EIF3A: variants seen among roughly 807,000 people sequenced by gnomAD.
EIF3A encodes eukaryotic translation initiation factor 3 subunit A.
In EIF3A, 21 loss-of-function variants were observed where a neutral mutation model predicts 186.6. The observed-to-expected ratio is 0.11, with a 90% CI of 0.08 to 0.16. EIF3A has a LOEUF of 0.16. Among genes scored for constraint, EIF3A ranks in the 10% least tolerant of loss-of-function variants. The pLI is 1.00. For synonymous variants in EIF3A, 563 were observed against 584.3 expected (o/e 0.96, Z 0.52); for missense variants, 1,306 against 1,796.3 (o/e 0.73, Z 4.93).
chr10:119,072,647 G>A (rs1445531792), intron 4 of EIF3A, among the ~76,000 whole-genome samples: 2 of 152,082 alleles, frequency 1.3e-5, no homozygotes, highest in South Asian at 2.1e-4. Flanking sequence ...TAGAGAAGGG[G>A]CTTCACCATG....
chr10:119,078,388 TA>T (rs35141615), intron 1 of EIF3A, among the ~76,000 whole-genome samples: 49,236 of 152,106 alleles, frequency 0.32, 8,732 homozygotes, highest in Non-Finnish European at 0.4. Flanking sequence ...CTATTCTACT[TA>T]AATTTATTTA....
intron 15 of EIF3A, 118 bp from the exon 16 acceptor site, chr10:119,050,792 C>A: frequency 9.3e-7 from 1 of 1,071,146 alleles, no homozygotes; most frequent in South Asian, 1.6e-5. Flanking sequence ...TCGAAAGCAA[C>A]CTCTCAGCAC....
At chr10:119,050,177 T>G (rs1037254973) in intron 16 of EIF3A, among the ~76,000 whole-genome samples, 192 bp from the exon 17 acceptor site, 7 of 152,172 alleles carry the variant, frequency 4.6e-5, no homozygotes, top group African/African-American at 1.7e-4. Flanking sequence ...AGTTTTGTAA[T>G]AAGATACTAG....
chr10:119,045,296 C>T (rs1848268704), intron 17 of EIF3A, among the ~76,000 whole-genome samples: 1 of 152,014 alleles, frequency 6.6e-6, no homozygotes, highest in South Asian at 2.1e-4. Context: ...TCTAAAATAA[C>T]AACTAGAGAT....
chr10:119,063,564 G>A (rs929204239), intron 7 of EIF3A, among the ~76,000 whole-genome samples: 9 of 152,056 alleles, frequency 5.9e-5, no homozygotes, highest in East Asian at 3.9e-4. Flanking sequence ...TTTAAATTCC[G>A]TTTTTGGTAA....
intron 7 of EIF3A, among the ~76,000 whole-genome samples, chr10:119,062,340 T>C (rs1184757479): frequency 6.6e-6 from 1 of 152,220 alleles, no homozygotes; most frequent in African/African-American, 2.4e-5. Context: ...AATACATGAT[T>C]GGTTTACTTT....
In EIF3A at chr10:119,065,766, G is replaced by T. The variant is rs188144204; in HGVS notation, c.951-196C>A. ...TGGGCTGTGTTTAAACGAATACTTGGAGAATCAGGACTTCATCTATCCACT... is the reference window on the plus strand; with the variant it reads ...TGGGCTGTGTTTAAACGAATACTTGTAGAATCAGGACTTCATCTATCCACT... On this transcript the variant is annotated intron_variant, in intron 6 of 21. Coordinates refer to ENST00000369144, the MANE Select transcript of EIF3A (RefSeq NM_003750.4). 8.1e-4 allele frequency among the ~76,000 whole-genome samples: 124 copies of T among 152,266 alleles called. 1 individual carries two copies. The highest frequency in any genetic ancestry group is 2.7e-3 in the African/African-American group (111 of 41,558).
chr10:119,073,799 T>C lies in EIF3A; in HGVS notation c.188A>G (p.Lys63Arg), dbSNP rs892218354. Residue 63 changes from lysine to arginine, a missense_variant, in exon 2 of 22, where the codon AAG becomes AGG. Transcript: ENST00000369144. ...KYLELCVDLR[K>R]SHLAKEGLYQ... Reference sequence around the variant, plus strand: ...TAACCCCTCCTTTGCCAAGTGGCTCTTGCGAAGATCCACGCAAAGTTCCAA... The same window carrying C: ...TAACCCCTCCTTTGCCAAGTGGCTCCTGCGAAGATCCACGCAAAGTTCCAA... The C allele has an allele frequency of 6.2e-7, 1 of 1,613,836 alleles. No homozygotes were observed. Among genetic ancestry groups the C allele is most frequent in the Non-Finnish European group, 8.5e-7 (1 of 1,179,916 alleles).
intron 17 of EIF3A, among the ~76,000 whole-genome samples, 187 bp downstream of exon 17, chr10:119,049,614 T>C (rs1043954933): frequency 2.6e-5 from 4 of 151,750 alleles, no homozygotes; most frequent in Non-Finnish European, 5.9e-5. Context: ...CAGCCAGGCA[T>C]GGTGGTATGC....
At chr10:119,046,828 A>C (rs1348969549) in intron 17 of EIF3A, among the ~76,000 whole-genome samples, 1 of 152,126 alleles carries the variant, frequency 6.6e-6, no homozygotes, top group Non-Finnish European at 1.5e-5. Flanking sequence ...ATGGTGGCAC[A>C]TGCCTGTAAT....
chr10:119,055,703 A>C (rs549492990), intron 14 of EIF3A, among the ~76,000 whole-genome samples: 2 of 152,318 alleles, frequency 1.3e-5, no homozygotes, highest in African/African-American at 4.8e-5. Flanking sequence ...AGCACAATAA[A>C]GTGAAGCACA....
At chr10:119,039,275 T>C (rs1848176618) in intron 19 of EIF3A, among the ~76,000 whole-genome samples, 1 of 152,120 alleles carries the variant, frequency 6.6e-6, no homozygotes, top group Admixed American at 6.6e-5. Flanking sequence ...CACTTATGCA[T>C]GGAATATATG....
At position 119,061,275 on chromosome 10, in the gene EIF3A, A is replaced by G. The variant is rs1369426993; in HGVS notation, c.1176T>C (p.Asn392=). The change falls in exon 8 of 22, where the codon AAT becomes AAC. Residue 392 remains asparagine (N), a synonymous_variant. Coordinates refer to ENST00000369144, the MANE Select transcript of EIF3A (RefSeq NM_003750.4). ...YVVPEVKDLY[N]WLEVEFNPLK... ...ATGGGTTAAATTCTACTTCAAGCCAATTGTAAAGGTCTTTCACTTCTGGGA... is the reference window on the plus strand; with the variant it reads ...ATGGGTTAAATTCTACTTCAAGCCAGTTGTAAAGGTCTTTCACTTCTGGGA... The G allele has an allele frequency of 5.0e-6, 8 of 1,597,568 alleles. No homozygotes were observed. Among genetic ancestry groups the G allele is most frequent in the South Asian group, 2.2e-5 (2 of 89,610 alleles).
At position 119,059,650 on chromosome 10, in the gene EIF3A, G is replaced by A; in HGVS notation, c.1395C>T (p.Phe465=). The change falls in exon 10 of 22, where the codon TTC becomes TTT. Residue 465 remains phenylalanine, a synonymous_variant. Coordinates refer to ENST00000369144, the MANE Select transcript of EIF3A (RefSeq NM_003750.4). ...CATCTACTATGGCCCGTTCCAGTTG[G>A]AAAGCATCAACAAAAGGAACCAAAG... ...LTSLVPFVDA[F]QLERAIVDAA... The A allele has an allele frequency of 1.2e-6, 2 of 1,614,140 alleles. No individual in the cohort carries two copies. Among genetic ancestry groups the A allele is most frequent in the South Asian group, 2.2e-5 (2 of 91,088 alleles).
chr10:119,040,087 T>C (rs1384454842), intron 19 of EIF3A, among the ~76,000 whole-genome samples: 2 of 152,220 alleles, frequency 1.3e-5, no homozygotes, highest in Non-Finnish European at 2.9e-5. Context: ...GAAGTGAGAC[T>C]AGAAGAGACG....
At chr10:119,043,951 T>C (rs1848249203) in intron 18 of EIF3A, 103 bp downstream of exon 18, 3 of 858,800 alleles carry the variant, frequency 3.5e-6, no homozygotes, top group South Asian at 1.5e-5. Context: ...CAATTCTTCA[T>C]GGCTCTCCTT....
intron 12 of EIF3A, 108 bp from the exon 13 acceptor site, chr10:119,057,148 TG>T: frequency 1.5e-6 from 1 of 647,496 alleles, no homozygotes. Flanking sequence ...ATTGTTACAA[TG>T]GGTGATAATT....
In EIF3A at chr10:119,042,696, C is replaced by G; in HGVS notation, c.2824G>C (p.Asp942His). ...AGAGAGGGCTCTCTATCTTCATCAT[C>G]CCCCAGACGCCGGGGCCGCTCTTCA... ...RDEERPRRLG[D>H]DEDREPSLRP... Residue 942 changes from aspartate to histidine, a missense_variant, in exon 19 of 22, where the codon GAT becomes CAT. Physicochemically the swap from Asp to His is moderately conservative, Grantham distance 81. This residue lies in a region of EIF3A where 410 missense variants were observed against 473.5 expected (regional missense o/e 0.87). Transcript: ENST00000369144. This position sits in a 1 kb window ranked among gnomAD's most constrained non-coding sequence, Gnocchi z 7.8. The G allele has an allele frequency of 6.2e-7, 1 of 1,614,086 alleles. No individual in the cohort carries two copies. Among genetic ancestry groups the G allele is most frequent in the Non-Finnish European group, 8.5e-7 (1 of 1,180,048 alleles).
chr10:119,053,323 C>T (rs529930716), intron 14 of EIF3A, among the ~76,000 whole-genome samples: 1 of 152,166 alleles, frequency 6.6e-6, no homozygotes, highest in Non-Finnish European at 1.5e-5. Flanking sequence ...AGTGAGCATA[C>T]CCTTTGATGC....
Sources: gnomAD v4.1 joint callset for allele counts (sites outside exome capture counted in the v4.1 genomes callset) on GRCh38, gnomAD v4.1.1 for gene constraint, gnomAD v4.1.1 regional missense constraint, Gnocchi (gnomAD v3.1) non-coding constraint, MANE v1.5 for transcripts, NCBI Gene and HGNC (gene_info 2026-07-23, HGNC 2026-07-21) for gene names.